The following USP12 variants were observed in gnomAD, a reference collection of about 807,000 sequenced individuals.
USP12 encodes the protein ubiquitin carboxyl-terminal hydrolase 12.
A neutral mutation model predicts 45.5 loss-of-function variants in USP12; 19 were observed. That is an observed-to-expected ratio of 0.42 (90% CI 0.29 to 0.61). USP12 has a LOEUF of 0.61. Ranked by LOEUF, USP12 falls within the 20% of genes least tolerant of loss-of-function variation. The pLI, the probability that USP12 is intolerant of heterozygous loss-of-function variation, is 0.22. For synonymous variants in USP12, 149 were observed against 148.8 expected (o/e 1.00, Z -0.01); for missense variants, 242 against 447.7 (o/e 0.54, Z 4.15).
chr13:27,131,512 G>A (rs984230981), intron 1 of USP12, among the ~76,000 whole-genome samples: 17 of 152,188 alleles, frequency 1.1e-4, no homozygotes, highest in African/African-American at 4.8e-5. Flanking sequence ...AGTGAGCAAC[G>A]TGATGGAAAC....
At chr13:27,121,287 T>C (rs1371975695) in intron 1 of USP12, among the ~76,000 whole-genome samples, 1 of 150,898 alleles carries the variant, frequency 6.6e-6, no homozygotes, top group African/African-American at 2.4e-5. Context: ...GACCCAAATT[T>C]CCACTGACTA....
At chr13:27,139,019 G>A (rs1876935597) in intron 1 of USP12, among the ~76,000 whole-genome samples, 1 of 152,134 alleles carries the variant, frequency 6.6e-6, no homozygotes, top group South Asian at 2.1e-4. Context: ...ATATTAACCA[G>A]TATCTTCCCA....
intron 2 of USP12, among the ~76,000 whole-genome samples, chr13:27,116,028 A>G (rs537450756): frequency 6.6e-6 from 1 of 152,302 alleles, no homozygotes; most frequent in African/African-American, 2.4e-5. Flanking sequence ...ATGTCAGGCA[A>G]CTGGCTGGGT....
At chr13:27,070,400 A>AGT (rs1873191983) in intron 8 of USP12, among the ~76,000 whole-genome samples, 1 of 152,092 alleles carries the variant, frequency 6.6e-6, no homozygotes, top group Non-Finnish European at 1.5e-5. Context: ...TACAAATGTG[A>AGT]GTGTGTGAGT....
intron 8 of USP12, among the ~76,000 whole-genome samples, chr13:27,069,948 A>C (rs1279960997): frequency 1.3e-5 from 2 of 152,198 alleles, no homozygotes; most frequent in Non-Finnish European, 2.9e-5. Flanking sequence ...TCCCAAAACA[A>C]CAAAAAGGCA....
chr13:27,155,563 T>G (rs1341328506), intron 1 of USP12, among the ~76,000 whole-genome samples: 1 of 152,226 alleles, frequency 6.6e-6, no homozygotes, highest in Non-Finnish European at 1.5e-5. Flanking sequence ...TAACTGTACC[T>G]GGTTAGTTCA....
intron 1 of USP12, among the ~76,000 whole-genome samples, chr13:27,160,641 C>T (rs1054885961): frequency 1.3e-5 from 2 of 152,016 alleles, no homozygotes; most frequent in Non-Finnish European, 2.9e-5. Context: ...AAATTTTGTC[C>T]ACCTTTACAT....
chr13:27,095,654 C>T lies in USP12; in HGVS notation c.520G>A (p.Glu174Lys). 1 of 1,611,844 alleles carries T rather than the reference C, an allele frequency of 6.2e-7. No homozygotes were observed. The highest frequency in any genetic ancestry group is 1.1e-5 in the South Asian group (1 of 90,304). The change falls in exon 4 of 9, where the codon GAG becomes AAG. Residue 174 changes from glutamate to lysine, a missense_variant. By Grantham distance (56) the Glu-to-Lys change is moderately conservative (BLOSUM62 1). Transcript: ENST00000282344. ...TTAGTTAATGTTCCCTGAAAAATCT[C>T]ATGAACCCACGTTGGGTCTGGTGTG... Reference protein sequence around the residue: ...NSTPDPTWVHEIFQGTLTNET... With the variant: ...NSTPDPTWVHKIFQGTLTNET...
chr13:27,082,729 TA>T (rs1873818494), intron 6 of USP12, among the ~76,000 whole-genome samples: 1 of 152,194 alleles, frequency 6.6e-6, no homozygotes, highest in Non-Finnish European at 1.5e-5. Context: ...TTAATTGGCC[TA>T]ATTTCAATAT....
intron 1 of USP12, among the ~76,000 whole-genome samples, chr13:27,133,118 C>T (rs1876587258): frequency 6.6e-6 from 1 of 152,192 alleles, no homozygotes; most frequent in Non-Finnish European, 1.5e-5. Flanking sequence ...TCTCTCTAAT[C>T]CTATTTACTA....
At chr13:27,076,029 C>CAAAAAAAAAAAA (rs11458818) in intron 6 of USP12, among the ~76,000 whole-genome samples, 9 of 98,008 alleles carry the variant, frequency 9.2e-5, no homozygotes, top group African/African-American at 1.3e-4. Context: ...GGCTCCGTCT[C>CAAAAAAAAAAAA]AAAAAAAAAA....
At chr13:27,127,694 AATTAAAAGT>A (rs1876306372) in intron 1 of USP12, among the ~76,000 whole-genome samples, 2 of 152,222 alleles carry the variant, frequency 1.3e-5, no homozygotes, top group African/African-American at 4.8e-5. Flanking sequence ...TCCCAGAAGA[AATTAAAAGT>A]AGTTTACTTT....
At chr13:27,134,384 A>G (rs979644800) in intron 1 of USP12, among the ~76,000 whole-genome samples, 2 of 152,234 alleles carry the variant, frequency 1.3e-5, no homozygotes, top group African/African-American at 4.8e-5. Context: ...ACACAGAAAA[A>G]AAGAGGAGAA....
At chr13:27,120,656 C>T (rs892984029) in intron 1 of USP12, among the ~76,000 whole-genome samples, 2 of 151,258 alleles carry the variant, frequency 1.3e-5, no homozygotes, top group African/African-American at 4.9e-5. Context: ...CTGGAGCCTT[C>T]ATAGGTATCA....
rs376305441 is a variant in USP12 at position 27,169,533 on chromosome 13, A to G, written c.48+2059T>C. Among the ~76,000 whole-genome samples the G allele has an allele frequency of 2.0e-5, 3 of 152,308 alleles. No individual in the cohort carries two copies. In the South Asian group the frequency reaches 6.2e-4, roughly 32 times the overall value. On this transcript the variant is annotated intron_variant, in intron 1 of 8. Transcript: ENST00000282344. ...TCAAATATGAATACAGACACACCCA[A>G]TTTTAATAGTACCTTTGGAACGATC...
In USP12 at chr13:27,155,872, C is replaced by G. The variant is rs552256407; in HGVS notation, c.48+15720G>C. On this transcript the variant is annotated intron_variant, in intron 1 of 8. Coordinates refer to ENST00000282344, the MANE Select transcript of USP12 (RefSeq NM_182488.4). ...GCCTAAATGTATGACTTTCGGAATA[C>G]AACTATGAAAATATTCTGAAAATGT... 5.3e-5 allele frequency among the ~76,000 whole-genome samples: 8 copies of G among 152,204 alleles called. No individual in the cohort carries two copies. The South Asian group carries it at 1.7e-3, about 32-fold the overall frequency.
At chr13:27,100,524 T>C (rs1874816216) in intron 3 of USP12, among the ~76,000 whole-genome samples, 1 of 152,186 alleles carries the variant, frequency 6.6e-6, no homozygotes, top group Non-Finnish European at 1.5e-5. Flanking sequence ...CCTCATCCAC[T>C]GATGGCCTGA....
chr13:27,117,782 G>T (rs774413228), intron 1 of USP12: 3 of 518,318 alleles, frequency 5.8e-6, no homozygotes, highest in South Asian at 4.2e-5. Flanking sequence ...GACAATCATA[G>T]CGTGTCACAG....
intron 1 of USP12, among the ~76,000 whole-genome samples, chr13:27,151,013 C>A (rs922310890): frequency 1.9e-4 from 29 of 152,062 alleles, no homozygotes; most frequent in African/African-American, 6.7e-4. Flanking sequence ...TAAAATATGA[C>A]ACCAAAAGCA....
Sources: gnomAD v4.1 joint callset for allele counts (sites outside exome capture counted in the v4.1 genomes callset) on GRCh38, gnomAD v4.1.1 for gene constraint, MANE v1.5 for transcripts, NCBI Gene and HGNC (gene_info 2026-07-23, HGNC 2026-07-21) for gene names.